Variants in LAMC2 observed in about 807,000 individuals in gnomAD.
The protein encoded by LAMC2 is laminin subunit gamma-2.
Under a neutral mutation model 140.2 loss-of-function variants are expected in LAMC2, and 97 were observed. That is an observed-to-expected ratio of 0.69 (90% confidence interval 0.59 to 0.82). The LOEUF is 0.82. LAMC2 is among the 40% of genes least tolerant of loss of function. LAMC2 has a pLI of 0.00. For synonymous variants in LAMC2, 513 were observed against 540.2 expected (o/e 0.95, Z 0.70); for missense variants, 1,402 against 1,476.1 (o/e 0.95, Z 0.82).
At chr1:183,208,983 G>GTTTTT (rs78166475) in intron 2 of LAMC2, among the ~76,000 whole-genome samples, 1 of 129,958 alleles carries the variant, frequency 7.7e-6, no homozygotes, top group African/African-American at 2.8e-5. Flanking sequence ...CTGGCTAGTT[G>GTTTTT]TTTTTTTTTT....
At chr1:183,255,662 G>GGT in the LAMC2 span, among the ~76,000 whole-genome samples, 1 of 100,944 alleles carries the variant, frequency 9.9e-6, no homozygotes, top group East Asian at 2.7e-4. Context: ...ATTCCTAAGG[G>GGT]TTTTTTTTTT....
chr1:183,223,151 T>A lies in LAMC2; in HGVS notation c.780T>A (p.Asn260Lys). 1 of 1,614,140 alleles carries A rather than the reference T, an allele frequency of 6.2e-7. No individual in the cohort carries two copies. Among genetic ancestry groups the A allele is most frequent in the Non-Finnish European group, 8.5e-7 (1 of 1,180,010 alleles). ...GTTTCACAGCCAAATTTCTTGGGAATCAACAGGTGAGCTATGGTCAAAGCC... is the reference window on the plus strand; with the variant it reads ...GTTTCACAGCCAAATTTCTTGGGAAACAACAGGTGAGCTATGGTCAAAGCC... ...YFVAPAKFLGNQQVSYGQSLS... is the reference protein window; with the variant it reads ...YFVAPAKFLGKQQVSYGQSLS... The change falls in exon 7 of 23, where the codon AAT becomes AAA. Residue 260 changes from asparagine (N) to lysine (K), a missense_variant. Coordinates refer to ENST00000264144, the MANE Select transcript of LAMC2 (RefSeq NM_005562.3).
At chr1:183,247,723 T>C (rs182409004), downstream of LAMC2, among the ~76,000 whole-genome samples, 5 of 152,264 alleles carry the variant, frequency 3.3e-5, no homozygotes, top group African/African-American at 1.2e-4. Context: ...TAACCCAATA[T>C]AGGGTGTGTG....
At chr1:183,223,915 CAG>C (rs1659549732) in intron 7 of LAMC2, among the ~76,000 whole-genome samples, 1 of 152,054 alleles carries the variant, frequency 6.6e-6, no homozygotes. Context: ...ATGGTGTTTG[CAG>C]AGAGGTTGGG....
At chr1:183,189,630 G>A (rs932045412) in intron 1 of LAMC2, among the ~76,000 whole-genome samples, 1 of 152,106 alleles carries the variant, frequency 6.6e-6, no homozygotes, top group Non-Finnish European at 1.5e-5. Flanking sequence ...AGGATATGGA[G>A]GTAAAAGAAA....
chr1:183,240,052 C>G lies in LAMC2; in HGVS notation c.3082C>G (p.Leu1028Val). The change falls in exon 21 of 23, where the codon CTG becomes GTG. Residue 1028 changes from leucine to valine, a missense_variant. This residue lies in a region of LAMC2 where 670 missense variants were observed against 667.2 expected (regional missense o/e 1.00). Coordinates refer to ENST00000264144, the MANE Select transcript of LAMC2 (RefSeq NM_005562.3). ...TTTCTTCTCTCAGGAGATTGGGAGT[C>G]TGAACTTGGAAGCCAATGTGACAGC... is the stretch of plus-strand genomic sequence containing the variant. ...SSEIEQEIGS[L>V]NLEANVTADG... 6.2e-7 allele frequency: 1 copy of G among 1,614,106 alleles called. No homozygotes were observed. The highest frequency in any genetic ancestry group is 8.5e-7 in the Non-Finnish European group (1 of 1,180,028).
intron 17 of LAMC2, 150 bp from the exon 18 acceptor site, chr1:183,237,202 T>C (rs2102248170): frequency 1.3e-6 from 1 of 766,774 alleles, no homozygotes; most frequent in Non-Finnish European, 2.2e-6. Context: ...TGACTCATTT[T>C]TGTTAGGTTT....
intron 20 of LAMC2, 97 bp downstream of exon 20, chr1:183,239,660 G>T: frequency 2.8e-6 from 3 of 1,082,280 alleles, no homozygotes; most frequent in Non-Finnish European, 4.1e-6. Context: ...AACCTCTGAG[G>T]CTCAGAGCCC....
chr1:183,226,503 GC>G (rs1291152907), intron 8 of LAMC2, among the ~76,000 whole-genome samples, 194 bp from the exon 9 acceptor site: 3 of 152,142 alleles, frequency 2.0e-5, no homozygotes, highest in African/African-American at 7.2e-5. Context: ...CAGAATTTAA[GC>G]CCTGGGTTTT....
At chr1:183,217,265 T>C (rs1479695163) in intron 3 of LAMC2, among the ~76,000 whole-genome samples, 1 of 152,108 alleles carries the variant, frequency 6.6e-6, no homozygotes, top group Non-Finnish European at 1.5e-5. Context: ...GCGTGCAAAG[T>C]GGGTGACAGA....
chr1:183,240,217 C>T lies in LAMC2; in HGVS notation c.3228+19C>T, dbSNP rs1023797407. 2 of 1,614,202 alleles carry T rather than the reference C, an allele frequency of 1.2e-6. No individual in the cohort carries two copies. Among genetic ancestry groups the T allele is most frequent in the East Asian group, 2.2e-5 (1 of 44,882 alleles). On this transcript the variant is annotated intron_variant, in intron 21 of 22. Transcript: ENST00000264144. ...ACAGATGGTGAGTTCCTGTTGCTTT[C>T]CACGGGAGATCCCTTTCAACTTGCC...
chr1:183,228,574 T>C lies in LAMC2; in HGVS notation c.1669T>C (p.Tyr557His). ...CTACTGCGACCAGTGCAAAGCAGGC[T>C]ACTTCGGGGACCCATTGGCTCCCAA... The part of the protein sequence containing the change: ...GIYCDQCKAG[Y>H]FGDPLAPNPA... Residue 557 changes from tyrosine to histidine, a missense_variant, in exon 11 of 23, where the codon TAC (tyrosine) becomes CAC (histidine). Physicochemically the swap from Tyr to His is moderately conservative, Grantham distance 83. Coordinates refer to ENST00000264144, the MANE Select transcript of LAMC2 (RefSeq NM_005562.3). This position sits in a 1 kb window ranked among gnomAD's most constrained non-coding sequence, Gnocchi z 4.3. The C allele has an allele frequency of 1.2e-6, 2 of 1,614,106 alleles. No individual in the cohort carries two copies. The highest frequency in any genetic ancestry group is 1.7e-6 in the Non-Finnish European group (2 of 1,180,030).
At chr1:183,223,573 T>C (rs1175912608) in intron 7 of LAMC2, among the ~76,000 whole-genome samples, 1 of 151,974 alleles carries the variant, frequency 6.6e-6, no homozygotes, top group Non-Finnish European at 1.5e-5. Flanking sequence ...ATAGGCAAGG[T>C]GGACACAGAA....
At chr1:183,230,305 AATG>A (rs1483837311) in intron 11 of LAMC2, among the ~76,000 whole-genome samples, 4 of 152,350 alleles carry the variant, frequency 2.6e-5, no homozygotes, top group South Asian at 4.1e-4. Flanking sequence ...GTATGCAAAT[AATG>A]ATAACACACT....
At chr1:183,227,068 T>C (rs948754971) in intron 9 of LAMC2, 152 bp downstream of exon 9, 3 of 663,666 alleles carry the variant, frequency 4.5e-6, no homozygotes, top group Admixed American at 5.5e-5. Flanking sequence ...TGGTGCCTTA[T>C]TACACTCAAT....
rs987098434 is a variant in LAMC2, at chr1:183,240,652, A to T, written c.3328+261A>T. On this transcript the variant is annotated intron_variant, in intron 22 of 22. Transcript: ENST00000264144. ...TCTGTGGGCCAAAGAACAGGTGTAT[A>T]TAAGCAACTTCACAGAACACGAGAC... 8 of 1,384,142 alleles carry T rather than the reference A, an allele frequency of 5.8e-6. No individual in the cohort carries two copies. The Admixed American group carries it at 2.4e-4, about 42-fold the overall frequency. The allele number at this position is 1,384,142 out of a possible 1,614,324, so 85.7% of individuals were successfully genotyped here.
chr1:183,238,169 T>A (rs2102249762), intron 18 of LAMC2, 138 bp from the exon 19 acceptor site: 1 of 688,444 alleles, frequency 1.5e-6, no homozygotes, highest in East Asian at 2.7e-5. Context: ...TGTCCCAGAT[T>A]GTAGAGGGGT....
chr1:183,223,221 GCC>G lies in LAMC2; in HGVS notation c.852_853del (p.His285Ter). On this transcript the variant is annotated frameshift_variant, in exon 7 of 23. Coordinates refer to ENST00000264144, the MANE Select transcript of LAMC2 (RefSeq NM_005562.3). LOFTEE classifies it high-confidence loss of function. ...RVDRGGRHPS[A>X]HDVILEGAGL... ...GGACAGAGGAGGCAGACACCCATCT[GCC>G]CATGATGTGATTCTGGAAGGTGCTG... 1 of 1,614,182 alleles carries G rather than the reference GCC, an allele frequency of 6.2e-7. No homozygotes were observed. The highest frequency in any genetic ancestry group is 1.1e-5 in the South Asian group (1 of 91,078).
chr1:183,252,423 C>A, the LAMC2 span: 1 of 402,596 alleles, frequency 2.5e-6, no homozygotes, highest in African/African-American at 2.1e-5. Context: ...CATTCCCTCA[C>A]CCACCCCCAA....
Sources: allele counts gnomAD v4.1 joint callset (sites outside exome capture counted in the v4.1 genomes callset), GRCh38; gene constraint gnomAD v4.1.1; regional missense constraint gnomAD v4.1.1; non-coding constraint Gnocchi (gnomAD v3.1); transcripts MANE v1.5; gene names NCBI Gene and HGNC (gene_info 2026-07-23, HGNC 2026-07-21).